FNDC3B: variants seen among roughly 807,000 people sequenced by gnomAD.
The protein encoded by FNDC3B is fibronectin type III domain-containing protein 3B.
A neutral mutation model predicts 151.5 loss-of-function variants in FNDC3B; 12 were observed. The ratio of observed to expected loss-of-function variants is 0.08; its 90% CI spans 0.05 to 0.13. The LOEUF (loss-of-function observed/expected upper bound fraction) is 0.13. Ranked by LOEUF, FNDC3B falls within the 10% of genes least tolerant of loss-of-function variation. The probability of loss-of-function intolerance (pLI) is 1.00; values close to 1 mark genes in which losing one functional copy is unlikely to be tolerated. For missense variants in FNDC3B, 1,214 were observed against 1,505.3 expected (o/e 0.81, Z 3.20); for synonymous variants, 528 against 549.0 (o/e 0.96, Z 0.54).
rs1171388372 is a variant in FNDC3B at position 172,337,418 on chromosome 3, T to C, written c.1852+17T>C. 1.9e-6 allele frequency: 3 copies of C among 1,566,424 alleles called. No homozygotes were observed. The highest frequency in any genetic ancestry group is 3.3e-5 in the Admixed American group (2 of 59,952). The stretch of plus-strand genomic sequence containing the variant: ...ATTCTGAAGGTGAAGTTTTTGGCAA[T>C]TGTTTTATTCAAATCCAATAGCAAG... On this transcript the variant is annotated intron_variant, in intron 16 of 25. Transcript: ENST00000415807.
chr3:172,132,027 C>T (rs73041116), intron 2 of FNDC3B, among the ~76,000 whole-genome samples: 2,322 of 152,216 alleles, frequency 0.015, 46 homozygotes, highest in African/African-American at 0.044. Flanking sequence ...AACATAATTG[C>T]TTAGTTAATT....
chr3:172,384,283 A>C (rs957778005), intron 25 of FNDC3B, among the ~76,000 whole-genome samples: 10 of 152,230 alleles, frequency 6.6e-5, no homozygotes, highest in African/African-American at 2.4e-4. Flanking sequence ...CAAAGTTTCC[A>C]TCATTCCTCT....
chr3:172,174,316 A>G (rs1184518147), intron 3 of FNDC3B, among the ~76,000 whole-genome samples: 1 of 152,204 alleles, frequency 6.6e-6, no homozygotes. Context: ...TTTGTTTTCT[A>G]CAGCATGGTG....
chr3:172,148,849 G>T (rs1722067286), intron 3 of FNDC3B, among the ~76,000 whole-genome samples: 1 of 152,158 alleles, frequency 6.6e-6, no homozygotes, highest in South Asian at 2.1e-4. Context: ...GCTGGTATCA[G>T]CAATTAACAT....
intron 1 of FNDC3B, among the ~76,000 whole-genome samples, chr3:172,085,323 TTTG>T (rs745721075): frequency 5.3e-5 from 8 of 152,194 alleles, no homozygotes; most frequent in Non-Finnish European, 8.8e-5. Flanking sequence ...GTTTGTTTGT[TTTG>T]TTTTTTTCTT....
At chr3:172,305,851 G>A (rs972454455) in intron 9 of FNDC3B, among the ~76,000 whole-genome samples, 1 of 152,138 alleles carries the variant, frequency 6.6e-6, no homozygotes, top group African/African-American at 2.4e-5. Flanking sequence ...TCCTGACACA[G>A]GGAAATGATC....
chr3:172,300,330 A>G (rs1018870070), intron 9 of FNDC3B, among the ~76,000 whole-genome samples: 1 of 152,188 alleles, frequency 6.6e-6, no homozygotes, highest in African/African-American at 2.4e-5. Context: ...TTAACAGTTT[A>G]TTGTTCCTGT....
intron 10 of FNDC3B, 87 bp from the exon 11 acceptor site, chr3:172,310,741 A>G (rs1035934270): frequency 4.2e-6 from 4 of 952,644 alleles, no homozygotes; most frequent in South Asian, 1.3e-5. Context: ...CAGGACTATC[A>G]TAGACACTGT....
chr3:172,326,906 C>T (rs536126116), intron 11 of FNDC3B, among the ~76,000 whole-genome samples: 6 of 152,106 alleles, frequency 3.9e-5, no homozygotes, highest in East Asian at 3.9e-4. Flanking sequence ...GGAGCCAACA[C>T]GGGGTTTGGA....
At chr3:172,061,617 A>T (rs149465890) in intron 1 of FNDC3B, among the ~76,000 whole-genome samples, 1 of 152,340 alleles carries the variant, frequency 6.6e-6, no homozygotes, top group Admixed American at 6.5e-5. Flanking sequence ...CTAATGTGTC[A>T]TGTACAATCT....
chr3:172,369,742 C>T (rs1413378226), intron 23 of FNDC3B, among the ~76,000 whole-genome samples: 2 of 152,160 alleles, frequency 1.3e-5, no homozygotes, highest in Non-Finnish European at 2.9e-5. Flanking sequence ...TTAGGTATTG[C>T]ACCTTCCCTG....
intron 1 of FNDC3B, among the ~76,000 whole-genome samples, chr3:172,086,649 T>C (rs6777932): frequency 0.01 from 1,578 of 152,312 alleles, 28 homozygotes; most frequent in African/African-American, 0.036. Context: ...TTTATAAAAT[T>C]GGGATTTCAC....
intron 6 of FNDC3B, among the ~76,000 whole-genome samples, chr3:172,269,401 G>C (rs537201461): frequency 2.0e-5 from 3 of 151,924 alleles, no homozygotes; most frequent in African/African-American, 7.2e-5. Context: ...TGGGACCACA[G>C]GCATGTGCCA....
chr3:172,359,095 A>G (rs1354500297), intron 22 of FNDC3B, among the ~76,000 whole-genome samples: 1 of 151,910 alleles, frequency 6.6e-6, no homozygotes, highest in Non-Finnish European at 1.5e-5. Flanking sequence ...AGAACCCTAG[A>G]GCTAAAGATA....
At chr3:172,318,588 A>T (rs1731932013) in intron 11 of FNDC3B, among the ~76,000 whole-genome samples, 2 of 152,330 alleles carry the variant, frequency 1.3e-5, no homozygotes, top group South Asian at 4.1e-4. Context: ...CACAGTAATT[A>T]ACTAGGTCCC....
At chr3:172,307,596 G>T (rs1166712751) in intron 10 of FNDC3B, 95 bp downstream of exon 10, 31 of 1,276,462 alleles carry the variant, frequency 2.4e-5, no homozygotes, top group Non-Finnish European at 3.4e-5. Context: ...GGGAGGCTGA[G>T]GAGGGGGGAT....
intron 4 of FNDC3B, among the ~76,000 whole-genome samples, chr3:172,233,069 C>A (rs370882142): frequency 1.3e-3 from 195 of 152,280 alleles, no homozygotes; most frequent in African/African-American, 4.0e-3. Context: ...TTTAACCTCA[C>A]CATTAACTTT....
intron 3 of FNDC3B, among the ~76,000 whole-genome samples, chr3:172,197,108 G>T (rs915903009): frequency 1.3e-5 from 2 of 152,076 alleles, no homozygotes; most frequent in Non-Finnish European, 1.5e-5. Context: ...TTGAACCTGG[G>T]AGGTGGAGGT....
At chr3:172,047,124 T>G (rs1450185754) in intron 1 of FNDC3B, among the ~76,000 whole-genome samples, 5 of 152,226 alleles carry the variant, frequency 3.3e-5, no homozygotes, top group Admixed American at 3.3e-4. Flanking sequence ...CATAAAAACT[T>G]ACTTAAATTG....
Sources: allele counts gnomAD v4.1 joint callset (sites outside exome capture counted in the v4.1 genomes callset), GRCh38; gene constraint gnomAD v4.1.1; transcripts MANE v1.5; gene names NCBI Gene and HGNC (gene_info 2026-07-23, HGNC 2026-07-21).